Variants in LRIG2 observed in about 807,000 individuals in gnomAD.
LRIG2 encodes leucine rich repeats and immunoglobulin like domains 2.
Under a neutral mutation model 107.8 loss-of-function variants are expected in LRIG2, and 93 were observed. The ratio of observed to expected loss-of-function variants is 0.86; its 90% confidence interval spans 0.73 to 1.03. The LOEUF is 1.03. LRIG2 is among the 50% of genes least tolerant of loss of function. The pLI, the probability that LRIG2 is intolerant of heterozygous loss-of-function variation, is 0.00. For missense variants in LRIG2, 1,226 were observed against 1,296.0 expected (o/e 0.95, Z 0.83); for synonymous variants, 471 against 470.6 (o/e 1.00, Z -0.01).
intron 15 of LRIG2, among the ~76,000 whole-genome samples, 165 bp downstream of exon 15, chr1:113,115,041 C>A (rs1286019331): frequency 6.6e-6 from 1 of 152,148 alleles, no homozygotes; most frequent in Admixed American, 6.5e-5. Context: ...CCCAGGAGTT[C>A]AAGGCCCACC....
chr1:113,123,995 G>C lies in LRIG2; in HGVS notation c.3092G>C (p.Arg1031Thr), dbSNP rs1256265517. The C allele has an allele frequency of 3.1e-6, 5 of 1,614,142 alleles. No homozygotes were observed. The South Asian group carries it at 5.5e-5, about 18-fold the overall frequency. Reference protein sequence around the residue: ...QLHQNEGLAGREPDCSASSMS... With the variant: ...QLHQNEGLAGTEPDCSASSMS... Reference sequence around the variant, plus strand: ...CATCAAAATGAGGGCCTGGCAGGGAGAGAGCCAGACTGTTCTGCTTCTTCC... The same window carrying C: ...CATCAAAATGAGGGCCTGGCAGGGACAGAGCCAGACTGTTCTGCTTCTTCC... The change falls in exon 18 of 18, where the codon AGA becomes ACA. Residue 1031 changes from arginine (R) to threonine (T), a missense_variant. This residue lies in a region of LRIG2 where 642 missense variants were observed against 712.2 expected (regional missense o/e 0.90). Coordinates refer to ENST00000361127, the MANE Select transcript of LRIG2 (RefSeq NM_014813.3).
chr1:113,112,402 C>G, intron 13 of LRIG2, 77 bp from the exon 14 acceptor site: 1 of 1,343,122 alleles, frequency 7.4e-7, no homozygotes, highest in South Asian at 1.4e-5. Context: ...CTACTAGATT[C>G]TTTCATGCCT....
At chr1:113,110,914 A>G (rs1033916274) in intron 13 of LRIG2, among the ~76,000 whole-genome samples, 1 of 152,182 alleles carries the variant, frequency 6.6e-6, no homozygotes, top group South Asian at 2.1e-4. Context: ...TGGGCCTTCT[A>G]ATAACTGGGA....
In LRIG2 at chr1:113,107,727, C is replaced by A; in HGVS notation, c.1447C>A (p.Leu483Met). 6.2e-7 allele frequency: 1 copy of A among 1,612,936 alleles called. No homozygotes were observed. The highest frequency in any genetic ancestry group is 2.2e-5 in the East Asian group (1 of 44,842). Residue 483 changes from leucine (L) to methionine (M), a missense_variant, in exon 12 of 18, where the codon CTG becomes ATG. By Grantham distance (15) the Leu-to-Met change is conservative (BLOSUM62 2). Around this residue, in one of 3 missense-constraint regions of LRIG2, gnomAD observed 14 missense variants for 33.6 expected, o/e 0.42. Transcript: ENST00000361127. ...TGAATGGCTAGCAGGGCAAAGCATC[C>A]TGAATGTGGATCTGAAAGATTTTGT... ...HPEWLAGQSI[L>M]NVDLKDFVCD...
At position 113,129,809 on chromosome 1, in the gene LRIG2, A is replaced by C. The variant is rs1278910571; in HGVS notation, c.*5708A>C. 6.6e-6 allele frequency: 1 copy of C among 152,144 alleles called. No individual in the cohort carries two copies. Among genetic ancestry groups the C allele is most frequent in the East Asian group, 1.9e-4 (1 of 5,182 alleles). 9.4% of individuals were successfully genotyped at this position (152,144 alleles called of 1,614,324 possible). The stretch of plus-strand genomic sequence containing the variant: ...AGGCTGATTCTCCACTTCCACCTGG[A>C]AGAAAAGACAGTATTCCTTGAACTC... On this transcript the variant is annotated 3_prime_UTR_variant, in exon 18 of 18. Coordinates refer to ENST00000361127, the MANE Select transcript of LRIG2 (RefSeq NM_014813.3).
intron 3 of LRIG2, 65 bp from the exon 4 acceptor site, chr1:113,093,365 A>G (rs1653908888): frequency 1.1e-5 from 18 of 1,579,958 alleles, no homozygotes; most frequent in Non-Finnish European, 8.6e-7. Flanking sequence ...GTTGATTCTA[A>G]TTAACATTTT....
At position 113,110,318 on chromosome 1, in the gene LRIG2, G is replaced by A. The variant is rs775382438; in HGVS notation, c.1554G>A (p.Thr518=). 19 of 1,613,764 alleles carry A rather than the reference G, an allele frequency of 1.2e-5. No homozygotes were observed. The highest frequency in any genetic ancestry group is 1.7e-5 in the Admixed American group (1 of 60,000). Residue 518 remains threonine (T), a synonymous_variant, in exon 13 of 18, where the codon ACG becomes ACA. Transcript: ENST00000361127. ...IALRGMNVTL[T]CTAVSSSDSP... The stretch of plus-strand genomic sequence containing the variant: ...TAAGAGGCATGAATGTGACTCTGAC[G>A]TGCACTGCAGTGAGCAGCAGTGATT...
At chr1:113,109,808 C>T (rs990302219) in intron 12 of LRIG2, among the ~76,000 whole-genome samples, 7 of 152,126 alleles carry the variant, frequency 4.6e-5, no homozygotes, top group African/African-American at 1.4e-4. Context: ...TGTGAGCCAC[C>T]GTGCCTGGCC....
At chr1:113,123,515 G>A (rs1220422692) in intron 17 of LRIG2, among the ~76,000 whole-genome samples, 1 of 152,232 alleles carries the variant, frequency 6.6e-6, no homozygotes, top group South Asian at 2.1e-4. Flanking sequence ...CGGAGGTTGC[G>A]GTGAGCCGAG....
At chr1:113,123,731 G>T (rs1728223) in intron 17 of LRIG2, 144 bp from the exon 18 acceptor site, 219,566 of 464,642 alleles carry the variant, frequency 0.47, 27,608 homozygotes, top group East Asian at 0.59. Flanking sequence ...TGGTTTTTGT[G>T]TGTGTGTGTG....
At chr1:113,090,699 G>A (rs907719104) in intron 1 of LRIG2, among the ~76,000 whole-genome samples, 20 of 151,502 alleles carry the variant, frequency 1.3e-4, no homozygotes, top group Non-Finnish European at 2.1e-4. Flanking sequence ...TTAGCCGGGC[G>A]TGGTGGCGGG....
chr1:113,087,095 A>G (rs1337684165), intron 1 of LRIG2, among the ~76,000 whole-genome samples: 1 of 152,132 alleles, frequency 6.6e-6, no homozygotes, highest in Non-Finnish European at 1.5e-5. Flanking sequence ...GTGAGGTGTG[A>G]TGTCACCACT....
At chr1:113,099,537 G>A (rs1216141451) in intron 9 of LRIG2, among the ~76,000 whole-genome samples, 1 of 151,992 alleles carries the variant, frequency 6.6e-6, no homozygotes, top group Non-Finnish European at 1.5e-5. Flanking sequence ...CCCATGCCCA[G>A]CTAGTTTTTT....
chr1:113,080,076 A>G (rs1243212410), intron 1 of LRIG2, among the ~76,000 whole-genome samples: 6 of 137,558 alleles, frequency 4.4e-5, no homozygotes, highest in Non-Finnish European at 6.1e-5. Flanking sequence ...GCTGGAGTGC[A>G]GTGGCACAAT....
At chr1:113,080,974 G>A (rs2101017773) in intron 1 of LRIG2, among the ~76,000 whole-genome samples, 1 of 151,386 alleles carries the variant, frequency 6.6e-6, no homozygotes, top group South Asian at 2.1e-4. Context: ...CTCCTGAGTA[G>A]CTGGGATTAC....
At chr1:113,119,189 A>G (rs1398108912) in intron 16 of LRIG2, 44 bp from the exon 17 acceptor site, 3 of 1,567,548 alleles carry the variant, frequency 1.9e-6, no homozygotes, top group Non-Finnish European at 2.6e-6. Context: ...GCAAAAAATA[A>G]TTCCTTAACA....
At chr1:113,123,668 ATAAT>A (rs1469134553) in intron 17 of LRIG2, among the ~76,000 whole-genome samples, 2 of 150,772 alleles carry the variant, frequency 1.3e-5, no homozygotes. Flanking sequence ...ATCTCAGTAA[ATAAT>A]TGGTTAGGTT....
chr1:113,112,804 T>C, intron 14 of LRIG2, 44 bp downstream of exon 14: 1 of 1,540,052 alleles, frequency 6.5e-7, no homozygotes, highest in Admixed American at 1.9e-5. Context: ...TTGGAGTCTT[T>C]GGGAGCTACT....
intron 1 of LRIG2, among the ~76,000 whole-genome samples, chr1:113,081,986 T>A (rs1306672796): frequency 6.6e-6 from 1 of 152,190 alleles, no homozygotes; most frequent in African/African-American, 2.4e-5. Flanking sequence ...GTAAAAAAAT[T>A]AAGTAAATAA....
Sources: allele counts gnomAD v4.1 joint callset (sites outside exome capture counted in the v4.1 genomes callset), GRCh38; gene constraint gnomAD v4.1.1; regional missense constraint gnomAD v4.1.1; transcripts MANE v1.5; gene names NCBI Gene and HGNC (gene_info 2026-07-23, HGNC 2026-07-21).